Variants in LARP1 observed in about 807,000 individuals in gnomAD.
The protein encoded by LARP1 is la-related protein 1.
LARP1 carries 36 observed loss-of-function variants against 122.7 expected under a neutral mutation model. That is an observed-to-expected ratio of 0.29 (90% confidence interval 0.22 to 0.39). The LOEUF is 0.39. LARP1 is among the 10% of genes least tolerant of loss of function. LARP1 has a pLI of 1.00. For synonymous variants in LARP1, 539 were observed against 528.7 expected (o/e 1.02, Z -0.27); for missense variants, 1,040 against 1,403.6 (o/e 0.74, Z 4.14).
chr5:154,736,168 C>T (rs1164190016), intron 1 of LARP1, among the ~76,000 whole-genome samples: 1 of 151,492 alleles, frequency 6.6e-6, no homozygotes, highest in Non-Finnish European at 1.5e-5. Context: ...GTGATCTCGG[C>T]TCACTGTAAC....
At chr5:154,690,178 C>G (rs1421502037) in intron 1 of LARP1, among the ~76,000 whole-genome samples, 1 of 150,972 alleles carries the variant, frequency 6.6e-6, no homozygotes, top group African/African-American at 2.4e-5. Context: ...GGCACACACA[C>G]AAGCCTGCTG....
intron 1 of LARP1, among the ~76,000 whole-genome samples, chr5:154,747,076 G>C (rs1753231123): frequency 6.6e-6 from 1 of 152,172 alleles, no homozygotes; most frequent in Non-Finnish European, 1.5e-5. Context: ...GGTGCAGTGA[G>C]CCGAGATCGT....
At chr5:154,777,385 G>A (rs986301878) in intron 1 of LARP1, among the ~76,000 whole-genome samples, 1 of 152,026 alleles carries the variant, frequency 6.6e-6, no homozygotes, top group Admixed American at 6.6e-5. Flanking sequence ...GCTGGGCATG[G>A]TGACGGACAC....
intron 1 of LARP1, chr5:154,729,674 C>T: frequency 2.8e-6 from 1 of 354,282 alleles, no homozygotes; most frequent in Admixed American, 3.5e-5. Flanking sequence ...TGGAATCTAT[C>T]CCTATGAATT....
At chr5:154,789,832 C>T (rs1266493958) in intron 1 of LARP1, among the ~76,000 whole-genome samples, 1 of 152,100 alleles carries the variant, frequency 6.6e-6, no homozygotes, top group Non-Finnish European at 1.5e-5. Flanking sequence ...TGGTGTGGTC[C>T]CTAGATTTTT....
intron 1 of LARP1, among the ~76,000 whole-genome samples, chr5:154,721,251 G>A (rs1755847254): frequency 6.6e-6 from 1 of 151,808 alleles, no homozygotes; most frequent in Admixed American, 6.6e-5. Context: ...AGAGGCTGAG[G>A]TGGGAAGATC....
chr5:154,779,565 G>C (rs1169494706), intron 1 of LARP1, among the ~76,000 whole-genome samples: 1 of 146,574 alleles, frequency 6.8e-6, no homozygotes, highest in African/African-American at 2.6e-5. Flanking sequence ...CTGGAGTGCA[G>C]TGGCGCAATC....
intron 1 of LARP1, among the ~76,000 whole-genome samples, chr5:154,700,659 T>C (rs1451932743): frequency 6.6e-6 from 1 of 152,076 alleles, no homozygotes; most frequent in Non-Finnish European, 1.5e-5. Flanking sequence ...GGTCTCGCTC[T>C]ATCACCCAGG....
intron 1 of LARP1, among the ~76,000 whole-genome samples, chr5:154,745,217 C>T (rs1183923171): frequency 6.6e-6 from 1 of 152,340 alleles, no homozygotes; most frequent in Non-Finnish European, 1.5e-5. Flanking sequence ...TGAGCCACCG[C>T]GCCTGGCCTT....
At chr5:154,756,467 T>C in intron 1 of LARP1, 1 of 985,730 alleles carries the variant, frequency 1.0e-6, no homozygotes, top group Non-Finnish European at 1.2e-6. Flanking sequence ...CGGGCCTACC[T>C]CGTCGGCAGA....
chr5:154,756,444 C>T (rs1753911228), intron 1 of LARP1: 1 of 991,838 alleles, frequency 1.0e-6, no homozygotes. Flanking sequence ...GGTTAGTGGG[C>T]AACGGTGTGG....
At chr5:154,687,262 A>T (rs184654640) in intron 1 of LARP1, among the ~76,000 whole-genome samples, 59 of 152,378 alleles carry the variant, frequency 3.9e-4, no homozygotes, top group African/African-American at 1.4e-3. Flanking sequence ...ATTGGAGAAC[A>T]TAGAAAAATA....
chr5:154,814,154 TG>T lies in LARP1; in HGVS notation c.*63del. 1 of 1,547,342 alleles carries T rather than the reference TG, an allele frequency of 6.5e-7. No homozygotes were observed. Among genetic ancestry groups the T allele is most frequent in the Non-Finnish European group, 8.9e-7 (1 of 1,129,188 alleles). The stretch of plus-strand genomic sequence containing the variant: ...AAGGGGTAGGGTGGGTAAGAGTCCA[TG>T]GGGGTGCCCAGTCCCAGGAAAGGGG... On this transcript the variant is annotated 3_prime_UTR_variant, in exon 19 of 19. Transcript: ENST00000518297.
intron 1 of LARP1, among the ~76,000 whole-genome samples, chr5:154,717,973 A>G (rs1487896521): frequency 2.6e-5 from 4 of 152,202 alleles, no homozygotes; most frequent in African/African-American, 9.6e-5. Context: ...GCTGCAGTGC[A>G]GTGGCACCTT....
chr5:154,755,642 A>G lies in LARP1; in HGVS notation c.-116A>G, dbSNP rs1170124513. ...CGCGTGAACCCCGACCCTTCTCTGC[A>G]GGGACTGGGGCCCAGCGCCCCGGAG... is the stretch of plus-strand genomic sequence containing the variant. On this transcript the variant is annotated 5_prime_UTR_variant, in exon 1 of 19. Coordinates refer to ENST00000518297, the MANE Select transcript of LARP1 (RefSeq NM_033551.3). 1 of 987,114 alleles carries G rather than the reference A, an allele frequency of 1.0e-6. No homozygotes were observed. The highest frequency in any genetic ancestry group is 1.2e-6 in the Non-Finnish European group (1 of 830,018). The allele number at this position is 987,114 out of a possible 1,614,324, so 61.1% of individuals were successfully genotyped here.
chr5:154,738,667 G>C (rs1042224776), intron 1 of LARP1, among the ~76,000 whole-genome samples: 1 of 152,158 alleles, frequency 6.6e-6, no homozygotes, highest in East Asian at 1.9e-4. Context: ...GACTTTCTGA[G>C]GGCTTTTCTT....
At chr5:154,736,536 T>TTTTATTTATTTA (rs56109800) in intron 1 of LARP1, among the ~76,000 whole-genome samples, 2,220 of 133,180 alleles carry the variant, frequency 0.017, 43 homozygotes, top group African/African-American at 0.042. Flanking sequence ...CCTGGCCTAT[T>TTTTATTTATTTA]TTTATTTATT....
rs1386689971 is a variant in LARP1, at chr5:154,792,567, C to T, written c.565-55C>T. The T allele has an allele frequency of 7.1e-6, 11 of 1,544,342 alleles. No individual in the cohort carries two copies. The South Asian group carries it at 8.2e-5, about 11-fold the overall frequency. ...TCTAGTGACAGGGAGTGCCTTCCCTCCTATACCATGAGGCACTCACACTCA... is the reference window on the plus strand; with the variant it reads ...TCTAGTGACAGGGAGTGCCTTCCCTTCTATACCATGAGGCACTCACACTCA... On this transcript the variant is annotated intron_variant, in intron 3 of 18. Coordinates refer to ENST00000518297, the MANE Select transcript of LARP1 (RefSeq NM_033551.3).
intron 1 of LARP1, chr5:154,757,216 C>G (rs1262793990): frequency 6.6e-6 from 1 of 151,638 alleles, no homozygotes; most frequent in Non-Finnish European, 1.5e-5. Flanking sequence ...TGACTGCCGA[C>G]CGGCGCTCCG....
Sources: gnomAD v4.1 joint callset for allele counts (sites outside exome capture counted in the v4.1 genomes callset) on GRCh38, gnomAD v4.1.1 for gene constraint, MANE v1.5 for transcripts, NCBI Gene and HGNC (gene_info 2026-07-23, HGNC 2026-07-21) for gene names.